ZBBX: variants seen among roughly 807,000 people sequenced by gnomAD.
ZBBX encodes zinc finger B-box domain containing.
A neutral mutation model predicts 108.5 loss-of-function variants in ZBBX; 101 were observed. The observed-to-expected ratio is 0.93, with a 90% CI of 0.79 to 1.10. The LOEUF is 1.10. Ranked by LOEUF, ZBBX falls within the 50% of genes least tolerant of loss-of-function variation. The probability of loss-of-function intolerance (pLI) is 0.00; values close to 1 mark genes in which losing one functional copy is unlikely to be tolerated. For synonymous variants in ZBBX, 356 were observed against 323.4 expected (o/e 1.10, Z -1.08); for missense variants, 1,009 against 941.4 (o/e 1.07, Z -0.94).
At chr3:167,321,297 A>C (rs1254531238) in intron 12 of ZBBX, among the ~76,000 whole-genome samples, 6 of 152,070 alleles carry the variant, frequency 3.9e-5, no homozygotes, top group Non-Finnish European at 5.9e-5. Flanking sequence ...GATTTCAAAA[A>C]TCTGAAGAGA....
Position 167,399,403 on chromosome 3 carries a change from C to T in ZBBX, c.-446+8323G>A, listed in dbSNP as rs572558440. ...CTTTCAACCACTCTAAGCTGCTTCC[C>T]TTCTACTATTGTCTACTCTTGTCAG... On this transcript the variant is annotated intron_variant, in intron 1 of 21. Coordinates refer to the ZBBX transcript ENST00000455345. 2.6e-5 allele frequency: 4 copies of T among 152,266 alleles called. No individual in the cohort carries two copies. In the South Asian group the frequency reaches 8.3e-4, roughly 32 times the overall value. 9.4% of individuals were successfully genotyped at this position (152,266 alleles called of 1,614,324 possible). A position where few individuals can be genotyped will look rare whatever the true frequency, so the allele number is the denominator to read the frequency against.
intron 18 of ZBBX, among the ~76,000 whole-genome samples, chr3:167,293,246 A>G (rs1425262056): frequency 6.6e-6 from 1 of 152,176 alleles, no homozygotes; most frequent in Non-Finnish European, 1.5e-5. Flanking sequence ...AGACAAAACA[A>G]AAAAAGAAAA....
intron 12 of ZBBX, among the ~76,000 whole-genome samples, chr3:167,321,884 T>C (rs1366938469): frequency 3.9e-5 from 6 of 152,002 alleles, no homozygotes; most frequent in Non-Finnish European, 8.8e-5. Context: ...CTTTTCCTTA[T>C]ATACACATTT....
chr3:167,202,372 T>C, the ZBBX span, among the ~76,000 whole-genome samples: 1 of 152,178 alleles, frequency 6.6e-6, no homozygotes, highest in African/African-American at 2.4e-5. Flanking sequence ...CTATTGGAGA[T>C]ATGCAAACTT....
At chr3:167,351,256 G>A (rs541135501) in intron 8 of ZBBX, among the ~76,000 whole-genome samples, 28 of 152,080 alleles carry the variant, frequency 1.8e-4, no homozygotes, top group African/African-American at 4.3e-4. Context: ...TAAAATACTC[G>A]TACCTATGAT....
At chr3:167,315,712 G>T in intron 15 of ZBBX, 38 bp downstream of exon 15, 1 of 1,410,798 alleles carries the variant, frequency 7.1e-7, no homozygotes, top group South Asian at 1.2e-5. Flanking sequence ...TCAGGAGGGG[G>T]CTCAATATGC....
rs192907092 is a variant in ZBBX, at chr3:167,326,846, A to G, written c.862+1096T>C. 4.1e-3 allele frequency among the ~76,000 whole-genome samples: 624 copies of G among 152,202 alleles called. 3 individuals carry two copies. Among genetic ancestry groups the G allele is most frequent in the Non-Finnish European group, 6.1e-3 (416 of 67,950 alleles). On this transcript the variant is annotated intron_variant, in intron 11 of 21. Transcript: ENST00000675490. Reference sequence around the variant, plus strand: ...TAGAAGACATTGTTGATACTTTGAGATTAGAAATTACACTGTGTAATAAAA... The same window carrying G: ...TAGAAGACATTGTTGATACTTTGAGGTTAGAAATTACACTGTGTAATAAAA...
intron 20 of ZBBX, among the ~76,000 whole-genome samples, chr3:167,281,094 C>T (rs541359539): frequency 6.6e-6 from 1 of 151,474 alleles, no homozygotes; most frequent in East Asian, 1.9e-4. Context: ...TCACACTCTG[C>T]GGACTGTTGT....
rs907662609 is a variant in ZBBX, at chr3:167,315,684, G to C, written c.1274+66C>G. ...CACATATTTCACATTTAAAAAGACAGATGATTTTGTGTGTGTGTCAGGAGG... is the reference window on the plus strand; with the variant it reads ...CACATATTTCACATTTAAAAAGACACATGATTTTGTGTGTGTGTCAGGAGG... On this transcript the variant is annotated intron_variant, in intron 15 of 21. Transcript: ENST00000675490. 6.8e-5 allele frequency: 76 copies of C among 1,123,636 alleles called. No homozygotes were observed. The Admixed American group carries it at 1.4e-3, about 21-fold the overall frequency. The allele number at this position is 1,123,636 out of a possible 1,614,324, so 69.6% of individuals were successfully genotyped here.
At position 167,242,542 on chromosome 3, in the gene ZBBX, A is replaced by C; in HGVS notation, c.2356T>G (p.Ser786Ala). ...ACTCCACAGGGACCCCTCACATGTG[A>C]GGTCTTAAGGAAATCTGTGGAAATC... ...SQISTDFLKTSHVRGPCGVEE... is the reference protein window; with the variant it reads ...SQISTDFLKTAHVRGPCGVEE... The change falls in exon 21 of 22, where the codon TCA becomes GCA. Residue 786 changes from serine (S) to alanine (A), a missense_variant. Transcript: ENST00000675490. The C allele has an allele frequency of 6.2e-7, 1 of 1,613,168 alleles. No individual in the cohort carries two copies. Among genetic ancestry groups the C allele is most frequent in the African/African-American group, 1.3e-5 (1 of 74,998 alleles).
intron 8 of ZBBX, among the ~76,000 whole-genome samples, chr3:167,353,042 G>A (rs756201924): frequency 4.6e-4 from 70 of 152,076 alleles, no homozygotes; most frequent in Admixed American, 7.9e-4. Flanking sequence ...TGTCTAAAAC[G>A]TTGCCCCTAA....
intron 3 of ZBBX, 152 bp from the exon 4 acceptor site, chr3:167,373,102 G>A (rs568154504): frequency 2.8e-5 from 13 of 469,512 alleles, no homozygotes; most frequent in Non-Finnish European, 4.9e-5. Flanking sequence ...TACACTGTTA[G>A]CCCTTTGTCC....
intron 2 of ZBBX, among the ~76,000 whole-genome samples, chr3:167,377,644 T>G (rs1165917616): frequency 3.3e-5 from 5 of 151,804 alleles, no homozygotes; most frequent in African/African-American, 1.2e-4. Context: ...CTTTTCACAT[T>G]TCTTCTATCT....
At chr3:167,288,442 C>A (rs906951474) in intron 19 of ZBBX, among the ~76,000 whole-genome samples, 1 of 152,118 alleles carries the variant, frequency 6.6e-6, no homozygotes, top group Non-Finnish European at 1.5e-5. Context: ...CAGCAAGAAA[C>A]AGCATCTTAA....
chr3:167,338,334 C>T (rs987038326), intron 9 of ZBBX, among the ~76,000 whole-genome samples: 1 of 152,134 alleles, frequency 6.6e-6, no homozygotes. Flanking sequence ...TATTTTATAG[C>T]ATTTTGGAAT....
At position 167,306,033 on chromosome 3, in the gene ZBBX, G is replaced by C. The variant is rs559164986; in HGVS notation, c.1418-83C>G. 13 of 1,177,274 alleles carry C rather than the reference G, an allele frequency of 1.1e-5. No homozygotes were observed. The African/African-American group carries it at 1.7e-4, about 16-fold the overall frequency. 72.9% of individuals were successfully genotyped at this position (1,177,274 alleles called of 1,614,324 possible). On this transcript the variant is annotated intron_variant, in intron 16 of 21. Transcript: ENST00000675490. ...CTGTTAATAAACCAAAAGTTCTGTG[G>C]TAAAAAAACTTTCTCAATAAACACT...
chr3:167,223,162 C>G, the ZBBX span, among the ~76,000 whole-genome samples: 1 of 151,866 alleles, frequency 6.6e-6, no homozygotes, highest in East Asian at 1.9e-4. Flanking sequence ...AGAGACTCTA[C>G]TTGACTTCCC....
chr3:167,242,702 A>C (rs1304433151), intron 20 of ZBBX, 59 bp from the exon 21 acceptor site: 2 of 1,496,928 alleles, frequency 1.3e-6, no homozygotes, highest in Admixed American at 1.9e-5. Context: ...AATATACAGC[A>C]TATGGTGCTG....
chr3:167,242,376 T>C, intron 21 of ZBBX, 129 bp downstream of exon 21: 1 of 779,628 alleles, frequency 1.3e-6, no homozygotes, highest in Non-Finnish European at 1.9e-6. Context: ...CCAAACATTC[T>C]ATAAAGAATG....
Sources: allele counts gnomAD v4.1 joint callset (sites outside exome capture counted in the v4.1 genomes callset), GRCh38; gene constraint gnomAD v4.1.1; transcripts MANE v1.5; gene names NCBI Gene and HGNC (gene_info 2026-07-23, HGNC 2026-07-21).